Variants in SPMIP11 observed in about 807,000 individuals in gnomAD.
SPMIP11 encodes long intergenic non-protein coding RNA 935.
chr12:48,732,389 CA>C, the SPMIP11 span, among the ~76,000 whole-genome samples: 1 of 152,108 alleles, frequency 6.6e-6, no homozygotes, highest in Admixed American at 6.6e-5. Context: ...TCAGCACCTA[CA>C]AATTCCTACC....
At chr12:48,759,806 GAA>G in the SPMIP11 span, among the ~76,000 whole-genome samples, 40 of 150,646 alleles carry the variant, frequency 2.7e-4, no homozygotes, top group Admixed American at 6.6e-5. Context: ...ATGATAAAAT[GAA>G]AAAAAAAATT....
chr12:48,760,219 G>T, the SPMIP11 span, among the ~76,000 whole-genome samples: 1 of 152,038 alleles, frequency 6.6e-6, no homozygotes, highest in African/African-American at 2.4e-5. Context: ...TGTCACCCAG[G>T]CTGGAGTGCA....
the SPMIP11 span, among the ~76,000 whole-genome samples, chr12:48,749,413 G>C: frequency 4.1e-3 from 620 of 152,006 alleles, 4 homozygotes; most frequent in Non-Finnish European, 6.4e-3. Flanking sequence ...TGGATCACTT[G>C]AGGTCAGAAG....
the SPMIP11 span, among the ~76,000 whole-genome samples, chr12:48,751,009 A>T: frequency 6.6e-6 from 1 of 152,132 alleles, no homozygotes; most frequent in African/African-American, 2.4e-5. Flanking sequence ...TAATAGTCAC[A>T]CTTTTCATTC....
the SPMIP11 span, among the ~76,000 whole-genome samples, chr12:48,729,874 T>A: frequency 2.0e-5 from 3 of 152,126 alleles, no homozygotes; most frequent in South Asian, 2.1e-4. Flanking sequence ...CTCCTTAATA[T>A]CCTTATACAA....
chr12:48,733,214 A>G, the SPMIP11 span, among the ~76,000 whole-genome samples: 1 of 150,456 alleles, frequency 6.6e-6, no homozygotes, highest in Non-Finnish European at 1.5e-5. Flanking sequence ...AGCTGGTATT[A>G]CAGGCACCTG....
chr12:48,770,878 G>C, the SPMIP11 span: 1 of 1,614,236 alleles, frequency 6.2e-7, no homozygotes, highest in Non-Finnish European at 8.5e-7. Context: ...CCACCTGATC[G>C]TAGGTGCTGG....
At chr12:48,747,181 A>T in the SPMIP11 span, among the ~76,000 whole-genome samples, 2 of 151,832 alleles carry the variant, frequency 1.3e-5, no homozygotes, top group African/African-American at 4.8e-5. Flanking sequence ...TTGGAGAGGC[A>T]GGGTCTCCTT....
At chr12:48,770,876 T>C in the SPMIP11 span, 3 of 1,614,124 alleles carry the variant, frequency 1.9e-6, no homozygotes, top group Non-Finnish European at 1.7e-6. Context: ...GCCCACCTGA[T>C]CGTAGGTGCT....
chr12:48,737,100 C>G, the SPMIP11 span, among the ~76,000 whole-genome samples: 32,892 of 151,884 alleles, frequency 0.22, 4,481 homozygotes, highest in Non-Finnish European at 0.32. Context: ...CAGGCACACA[C>G]CACCATGCCT....
the SPMIP11 span, chr12:48,767,467 G>C: frequency 6.5e-6 from 1 of 152,966 alleles, no homozygotes; most frequent in Non-Finnish European, 1.5e-5. Flanking sequence ...GCAACCTGGG[G>C]TGGAGAGCTG....
chr12:48,759,141 A>C, the SPMIP11 span: 1 of 692,328 alleles, frequency 1.4e-6, no homozygotes, highest in Admixed American at 2.0e-5. Context: ...GTTAGCATGG[A>C]GACCAGGGAA....
chr12:48,754,457 CA>C, the SPMIP11 span, among the ~76,000 whole-genome samples: 98 of 151,754 alleles, frequency 6.5e-4, no homozygotes, highest in African/African-American at 2.3e-3. Context: ...CAGCCTGAGG[CA>C]TTTTTTTTTT....
chr12:48,742,483 T>C, the SPMIP11 span, among the ~76,000 whole-genome samples: 2 of 151,738 alleles, frequency 1.3e-5, no homozygotes, highest in Non-Finnish European at 2.9e-5. Context: ...GGTTTTACCA[T>C]GTTGGTCAGG....
At chr12:48,770,024 G>C in the SPMIP11 span, among the ~76,000 whole-genome samples, 1 of 150,652 alleles carries the variant, frequency 6.6e-6, no homozygotes, top group Non-Finnish European at 1.5e-5. Flanking sequence ...GACTCCCAAA[G>C]TGCTGGGATT....
the SPMIP11 span, among the ~76,000 whole-genome samples, chr12:48,728,832 T>G: frequency 6.7e-6 from 1 of 149,430 alleles, no homozygotes; most frequent in Non-Finnish European, 1.5e-5. Flanking sequence ...AGTGGAGAGG[T>G]GCTGGGAGGC....
At chr12:48,743,829 G>A in the SPMIP11 span, among the ~76,000 whole-genome samples, 2 of 150,936 alleles carry the variant, frequency 1.3e-5, no homozygotes, top group African/African-American at 4.9e-5. Context: ...CTACTCAGGA[G>A]GCTGAGGCAG....
chr12:48,762,396 C>G, the SPMIP11 span, among the ~76,000 whole-genome samples: 9 of 88,690 alleles, frequency 1.0e-4, no homozygotes, highest in Admixed American at 1.8e-4. Context: ...GAGACGGAAT[C>G]TTGCTCTGTC....
the SPMIP11 span, among the ~76,000 whole-genome samples, chr12:48,729,396 T>C: frequency 2.6e-5 from 4 of 151,208 alleles, no homozygotes; most frequent in African/African-American, 9.7e-5. Context: ...TAGCCGGGCG[T>C]GGTGGTGTGT....
Sources: gnomAD v4.1 joint callset for allele counts (sites outside exome capture counted in the v4.1 genomes callset) on GRCh38, gnomAD v4.1.1 for gene constraint, MANE v1.5 for transcripts, NCBI Gene and HGNC (gene_info 2026-07-23, HGNC 2026-07-21) for gene names.